Variants in KLHL20 observed in about 807,000 individuals in gnomAD.
KLHL20 encodes the protein kelch like family member 20.
Under a neutral mutation model 69.5 loss-of-function variants are expected in KLHL20, and 29 were observed. The ratio of observed to expected loss-of-function variants is 0.42; its 90% confidence interval spans 0.31 to 0.57. KLHL20 has a LOEUF of 0.57. KLHL20 is among the 20% of genes least tolerant of loss of function. KLHL20 has a pLI of 0.18. For synonymous variants in KLHL20, 253 were observed against 265.2 expected (o/e 0.95, Z 0.45); for missense variants, 419 against 776.0 (o/e 0.54, Z 5.47).
rs181941522 is a variant in KLHL20, at chr1:173,749,176, C to A, written c.598-2588C>A. On this transcript the variant is annotated intron_variant, in intron 3 of 11. Transcript: ENST00000209884. ...TAATCAAATCTGTATTTAATTTTCT[C>A]CTACTTCATTAGACCTAGCTTAATT... Among the ~76,000 whole-genome samples, 10 of 152,244 alleles carry A rather than the reference C, an allele frequency of 6.6e-5. No individual in the cohort carries two copies. The East Asian group carries it at 1.2e-3, about 18-fold the overall frequency.
chr1:173,757,032 A>G lies in KLHL20; in HGVS notation c.1024A>G (p.Thr342Ala). The G allele has an allele frequency of 6.2e-7, 1 of 1,614,174 alleles. No homozygotes were observed. Among genetic ancestry groups the G allele is most frequent in the East Asian group, 2.2e-5 (1 of 44,876 alleles). Residue 342 changes from threonine to alanine, a missense_variant, in exon 7 of 12, where the codon ACC becomes GCC. Coordinates refer to ENST00000209884, the MANE Select transcript of KLHL20 (RefSeq NM_014458.4). ...CAGTGTTGAACGATATGATCCACAGACCAATGAATGGAGAATGGTGGCTTC... is the reference window on the plus strand; with the variant it reads ...CAGTGTTGAACGATATGATCCACAGGCCAATGAATGGAGAATGGTGGCTTC... ...ISSVERYDPQTNEWRMVASMS... is the reference protein window; with the variant it reads ...ISSVERYDPQANEWRMVASMS...
In KLHL20 at chr1:173,734,096, G is replaced by T. The variant is rs1230253779; in HGVS notation, c.407G>T (p.Gly136Val). Reference sequence around the variant, plus strand: ...ACCTCCCAGATAACAGTAGAAGAGGGCAATGTTCAGACTCTTCTGCCAGCT... The same window carrying T: ...ACCTCCCAGATAACAGTAGAAGAGGTCAATGTTCAGACTCTTCTGCCAGCT... ...AYTSQITVEE[G>V]NVQTLLPAAC... The change falls in exon 3 of 12, where the codon GGC (glycine) becomes GTC (valine). Residue 136 changes from glycine to valine, a missense_variant. Physicochemically the swap from Gly to Val is moderately radical, Grantham distance 109. Around this residue, in one of 6 missense-constraint regions of KLHL20, gnomAD observed 129 missense variants for 183.6 expected, o/e 0.70. Coordinates refer to ENST00000209884, the MANE Select transcript of KLHL20 (RefSeq NM_014458.4). 3 of 1,614,182 alleles carry T rather than the reference G, an allele frequency of 1.9e-6. No individual in the cohort carries two copies. The highest frequency in any genetic ancestry group is 2.2e-5 in the South Asian group (2 of 91,076).
At chr1:173,747,765 C>A (rs903678623) in intron 3 of KLHL20, among the ~76,000 whole-genome samples, 6 of 151,164 alleles carry the variant, frequency 4.0e-5, no homozygotes, top group African/African-American at 1.2e-4. Context: ...ATTTTAATTT[C>A]TTTTGGTATA....
intron 8 of KLHL20, among the ~76,000 whole-genome samples, chr1:173,768,835 C>T (rs1194651371): frequency 6.6e-6 from 1 of 152,124 alleles, no homozygotes; most frequent in African/African-American, 2.4e-5. Flanking sequence ...AACTCCAAAA[C>T]ACAAACGGGC....
intron 3 of KLHL20, among the ~76,000 whole-genome samples, chr1:173,740,987 CA>C (rs1436736222): frequency 6.6e-6 from 1 of 152,206 alleles, no homozygotes; most frequent in Non-Finnish European, 1.5e-5. Flanking sequence ...GGACTGCCTA[CA>C]GGGCTTTTCC....
At chr1:173,735,450 CA>C (rs60081642) in intron 3 of KLHL20, among the ~76,000 whole-genome samples, 400 of 107,850 alleles carry the variant, frequency 3.7e-3, no homozygotes, top group Middle Eastern at 5.3e-3. Flanking sequence ...GACCCTATCT[CA>C]AAAAAAAAAA....
At chr1:173,761,172 G>A (rs536222440) in intron 7 of KLHL20, among the ~76,000 whole-genome samples, 32 of 152,246 alleles carry the variant, frequency 2.1e-4, no homozygotes, top group African/African-American at 7.5e-4. Flanking sequence ...GGCTTTGTCC[G>A]ACAGAAAAAT....
intron 8 of KLHL20, among the ~76,000 whole-genome samples, chr1:173,767,762 G>C (rs1647824709): frequency 6.6e-6 from 1 of 152,034 alleles, no homozygotes; most frequent in African/African-American, 2.4e-5. Context: ...AATTGTTTAA[G>C]TTCCTTATAT....
At chr1:173,757,278 C>A in intron 7 of KLHL20, 119 bp downstream of exon 7, 1 of 929,182 alleles carries the variant, frequency 1.1e-6, no homozygotes, top group Non-Finnish European at 1.6e-6. Context: ...TAGTTGGCAA[C>A]CTAAACAAGT....
intron 2 of KLHL20, among the ~76,000 whole-genome samples, chr1:173,732,103 A>G (rs111444037): frequency 0.09 from 13,669 of 151,784 alleles, 2,000 homozygotes; most frequent in African/African-American, 0.31. Context: ...AGGCTGAGGC[A>G]GGAGAATCAC....
intron 8 of KLHL20, among the ~76,000 whole-genome samples, chr1:173,767,155 GTCTT>G (rs1647785626): frequency 1.3e-5 from 2 of 152,052 alleles, no homozygotes; most frequent in African/African-American, 4.8e-5. Context: ...TGCAATATTT[GTCTT>G]TCTGTGTTTA....
In KLHL20 at chr1:173,786,648, A is replaced by G. The variant is rs1649215541; in HGVS notation, c.*1401A>G. 6.6e-6 allele frequency: 1 copy of G among 152,558 alleles called. No individual in the cohort carries two copies. Among genetic ancestry groups the G allele is most frequent in the Non-Finnish European group, 1.5e-5 (1 of 67,990 alleles). 9.5% of individuals were successfully genotyped at this position (152,558 alleles called of 1,614,324 possible). The stretch of plus-strand genomic sequence containing the variant: ...TATATCATTTATGCTTTTTTCTAGC[A>G]TGTATAACTTTTTTAAATAAAGGTA... On this transcript the variant is annotated 3_prime_UTR_variant, in exon 12 of 12. Transcript: ENST00000209884.
intron 2 of KLHL20, among the ~76,000 whole-genome samples, chr1:173,717,097 T>C (rs1453472545): frequency 6.6e-6 from 1 of 152,220 alleles, no homozygotes; most frequent in African/African-American, 2.4e-5. Flanking sequence ...TTTACCACAA[T>C]GTACATGAAA....
chr1:173,742,234 G>T (rs1363668332), intron 3 of KLHL20, among the ~76,000 whole-genome samples: 1 of 152,198 alleles, frequency 6.6e-6, no homozygotes, highest in African/African-American at 2.4e-5. Context: ...TGGCAAGGCT[G>T]TGGGAAATAA....
chr1:173,779,863 T>G (rs1237849094), intron 10 of KLHL20, among the ~76,000 whole-genome samples: 1 of 152,136 alleles, frequency 6.6e-6, no homozygotes, highest in African/African-American at 2.4e-5. Flanking sequence ...ATCCTATCTA[T>G]AGTATAGACC....
At chr1:173,753,392 A>G in intron 5 of KLHL20, 85 bp downstream of exon 5, 1 of 1,016,206 alleles carries the variant, frequency 9.8e-7, no homozygotes, top group Admixed American at 2.0e-5. Flanking sequence ...CTTCCTAAAT[A>G]TTGTATTTTG....
chr1:173,724,765 G>T (rs149062620), intron 2 of KLHL20, among the ~76,000 whole-genome samples: 1 of 152,130 alleles, frequency 6.6e-6, no homozygotes, highest in Non-Finnish European at 1.5e-5. Flanking sequence ...TGATCAAACC[G>T]CTGTATTCCA....
intron 2 of KLHL20, among the ~76,000 whole-genome samples, chr1:173,726,627 C>A (rs183279895): frequency 1.4e-3 from 206 of 152,246 alleles, no homozygotes; most frequent in Non-Finnish European, 2.4e-3. Context: ...CAGCTGATAC[C>A]CTGGCAAACA....
At chr1:173,779,498 G>A (rs60264384) in intron 10 of KLHL20, among the ~76,000 whole-genome samples, 34,698 of 151,664 alleles carry the variant, frequency 0.23, 4,415 homozygotes, top group Middle Eastern at 0.39. Flanking sequence ...GTACAGGCGC[G>A]TGCCACCATG....
Sources: allele counts gnomAD v4.1 joint callset (sites outside exome capture counted in the v4.1 genomes callset), GRCh38; gene constraint gnomAD v4.1.1; regional missense constraint gnomAD v4.1.1; transcripts MANE v1.5; gene names NCBI Gene and HGNC (gene_info 2026-07-23, HGNC 2026-07-21).